The following CNOT7 variants were observed in gnomAD, a reference collection of about 807,000 sequenced individuals.
CNOT7 encodes CCR4-NOT transcription complex subunit 7.
Under a neutral mutation model 37.1 loss-of-function variants are expected in CNOT7, and 4 were observed. The ratio of observed to expected loss-of-function variants is 0.11; its 90% confidence interval spans 0.05 to 0.25. CNOT7 has a LOEUF of 0.25. CNOT7 is among the 10% of genes least tolerant of loss of function. The pLI, the probability that CNOT7 is intolerant of heterozygous loss-of-function variation, is 1.00. For missense variants in CNOT7, 170 were observed against 336.2 expected (o/e 0.51, Z 3.87); for synonymous variants, 128 against 115.6 (o/e 1.11, Z -0.69).
At chr8:17,234,961 G>T in intron 4 of CNOT7, 101 bp from the exon 5 acceptor site, 1 of 964,770 alleles carries the variant, frequency 1.0e-6, no homozygotes, top group Non-Finnish European at 1.5e-6. Context: ...TCACACTAGA[G>T]CCCTCCCAAA....
chr8:17,241,743 C>T (rs896594386), intron 3 of CNOT7: 2 of 152,006 alleles, frequency 1.3e-5, no homozygotes, highest in Non-Finnish European at 2.9e-5. Context: ...AGATGGATAA[C>T]GAAACCAATT....
In CNOT7 at chr8:17,229,766, A is replaced by C. The variant is rs1585767936; in HGVS notation, c.*954T>G. 1 of 151,936 alleles carries C rather than the reference A, an allele frequency of 6.6e-6. No homozygotes were observed. The highest frequency in any genetic ancestry group is 1.9e-4 in the East Asian group (1 of 5,182). The allele number at this position is 151,936 out of a possible 1,614,324, so 9.4% of individuals were successfully genotyped here. ...TGGTACAAAATATACCTAAAGACTT[A>C]TCTTTGGATTTTTAATAAAATTGAT... On this transcript the variant is annotated 3_prime_UTR_variant, in exon 7 of 7. Coordinates refer to ENST00000361272, the MANE Select transcript of CNOT7 (RefSeq NM_013354.7).
At chr8:17,234,428 TTG>T (rs930277269) in intron 5 of CNOT7, among the ~76,000 whole-genome samples, 8 of 152,250 alleles carry the variant, frequency 5.3e-5, no homozygotes, top group African/African-American at 1.7e-4. Context: ...GTCCTCAGAT[TTG>T]TGTTTTGGTT....
chr8:17,231,975 A>G, intron 6 of CNOT7: 1 of 990,584 alleles, frequency 1.0e-6, no homozygotes, highest in South Asian at 4.6e-5. Context: ...GAATGACATG[A>G]GCAAATAATA....
At chr8:17,230,947 CAAT>C (rs917914359) in intron 6 of CNOT7, 99 bp from the exon 7 acceptor site, 27 of 804,282 alleles carry the variant, frequency 3.4e-5, no homozygotes, top group South Asian at 1.6e-4. Flanking sequence ...TGTTCACTGA[CAAT>C]AATGATGGCT....
At position 17,228,365 on chromosome 8, in the gene CNOT7, A is replaced by G. The variant is rs1391827233; in HGVS notation, c.*2355T>C. ...GAGACTGTCTGGAACAAAATAAAAA[A>G]GTAAAACTTAGACCCAGTAAAAGTC... On this transcript the variant is annotated 3_prime_UTR_variant, in exon 7 of 7. Coordinates refer to ENST00000361272, the MANE Select transcript of CNOT7 (RefSeq NM_013354.7). The G allele has an allele frequency of 6.6e-6, 1 of 151,960 alleles. No homozygotes were observed. The highest frequency in any genetic ancestry group is 1.5e-5 in the Non-Finnish European group (1 of 67,850). 9.4% of individuals were successfully genotyped at this position (151,960 alleles called of 1,614,324 possible). A position where few individuals can be genotyped will look rare whatever the true frequency, so the allele number is the denominator to read the frequency against.
intron 6 of CNOT7, chr8:17,232,047 C>T: frequency 3.8e-6 from 4 of 1,041,294 alleles, no homozygotes; most frequent in Non-Finnish European, 4.6e-6. Context: ...TATAAAGATT[C>T]CTTGCCTTGT....
rs1284844296 is a variant in CNOT7, at chr8:17,234,815, G to C, written c.519C>G (p.Asn173Lys). 2 of 1,613,940 alleles carry C rather than the reference G, an allele frequency of 1.2e-6. No homozygotes were observed. The highest frequency in any genetic ancestry group is 1.3e-5 in the African/African-American group (1 of 75,016). Residue 173 changes from asparagine (N) to lysine (K), a missense_variant, in exon 5 of 7, where the codon AAC (asparagine) becomes AAG (lysine). By Grantham distance (94) the Asn-to-Lys change is moderately conservative (BLOSUM62 0). Transcript: ENST00000361272. ...GYLIKILTNS[N>K]LPEEELDFFE... ...AGAAGTCAAGTTCTTCTTCAGGCAA[G>C]TTAGAGTTGGTTAGGATTTTGATTA...
In CNOT7 at chr8:17,229,820, T is replaced by C. The variant is rs1292993981; in HGVS notation, c.*900A>G. 1.4e-5 allele frequency: 2 copies of C among 140,228 alleles called. No homozygotes were observed. The highest frequency in any genetic ancestry group is 2.5e-5 in the African/African-American group (1 of 39,296). The allele number at this position is 140,228 out of a possible 1,614,324, so 8.7% of individuals were successfully genotyped here. On this transcript the variant is annotated 3_prime_UTR_variant, in exon 7 of 7. Coordinates refer to ENST00000361272, the MANE Select transcript of CNOT7 (RefSeq NM_013354.7). ...TGTAACCAACAAATCAAGAGCATCA[T>C]AAGAATGGCTACAAAATTTAAAAAA... is the stretch of plus-strand genomic sequence containing the variant.
At chr8:17,235,000 A>T in intron 4 of CNOT7, 140 bp from the exon 5 acceptor site, 1 of 654,674 alleles carries the variant, frequency 1.5e-6, no homozygotes, top group South Asian at 2.1e-5. Flanking sequence ...ACACAAGAAC[A>T]GAGAAAACAA....
chr8:17,234,929 TTC>T (rs1809141590), intron 4 of CNOT7, 69 bp from the exon 5 acceptor site: 11 of 1,422,472 alleles, frequency 7.7e-6, no homozygotes, highest in Non-Finnish European at 1.0e-5. Context: ...AAAAAAGTTT[TTC>T]TGATTCAAAT....
At chr8:17,240,414 G>A (rs1012835020) in intron 3 of CNOT7, among the ~76,000 whole-genome samples, 1 of 151,674 alleles carries the variant, frequency 6.6e-6, no homozygotes, top group Non-Finnish European at 1.5e-5. Context: ...TGTGGCCCAA[G>A]ACAATTCTTC....
chr8:17,235,881 G>A (rs1414494400), intron 4 of CNOT7, among the ~76,000 whole-genome samples: 1 of 152,124 alleles, frequency 6.6e-6, no homozygotes, highest in African/African-American at 2.4e-5. Context: ...AGACATGAAT[G>A]AACCCTGTTT....
chr8:17,246,045 G>C (rs1398639101), intron 1 of CNOT7: 1 of 151,744 alleles, frequency 6.6e-6, no homozygotes, highest in African/African-American at 2.4e-5. Flanking sequence ...TCCAAGTAGA[G>C]AAACTAAAGG....
chr8:17,239,284 C>CA (rs1306158611), intron 3 of CNOT7, among the ~76,000 whole-genome samples: 9 of 152,144 alleles, frequency 5.9e-5, no homozygotes, highest in African/African-American at 2.2e-4. Context: ...TGAGCTCAAA[C>CA]AATCTGCCCA....
chr8:17,237,674 T>A (rs757559880), intron 3 of CNOT7: 1 of 236,862 alleles, frequency 4.2e-6, no homozygotes, highest in South Asian at 8.0e-5. Context: ...TGGAAAAGGG[T>A]CTCCTATTCA....
chr8:17,226,925 A>C lies in CNOT7; in HGVS notation c.*3795T>G, dbSNP rs1808195325. On this transcript the variant is annotated 3_prime_UTR_variant, in exon 7 of 7. Coordinates refer to ENST00000361272, the MANE Select transcript of CNOT7 (RefSeq NM_013354.7). ...AAATTTCAATGTCAGCCCAGAGCCC[A>C]AAAAAATAAAAATAAATCTTTAGCA... 1 of 151,722 alleles carries C rather than the reference A, an allele frequency of 6.6e-6. No individual in the cohort carries two copies. Among genetic ancestry groups the C allele is most frequent in the African/African-American group, 2.4e-5 (1 of 41,392 alleles). 9.4% of individuals were successfully genotyped at this position (151,722 alleles called of 1,614,324 possible). A position where few individuals can be genotyped will look rare whatever the true frequency, so the allele number is the denominator to read the frequency against.
intron 3 of CNOT7, among the ~76,000 whole-genome samples, chr8:17,238,057 C>T (rs1249739770): frequency 6.6e-6 from 1 of 152,198 alleles, no homozygotes; most frequent in Non-Finnish European, 1.5e-5. Context: ...TTCAAGATTT[C>T]ACTTAAGCCA....
At chr8:17,243,598 C>G in intron 2 of CNOT7, 1 of 458,226 alleles carries the variant, frequency 2.2e-6, no homozygotes, top group South Asian at 1.5e-5. Context: ...TTCTCTGACA[C>G]AAGGTTTTTC....
Sources: allele counts gnomAD v4.1 joint callset (sites outside exome capture counted in the v4.1 genomes callset), GRCh38; gene constraint gnomAD v4.1.1; transcripts MANE v1.5; gene names NCBI Gene and HGNC (gene_info 2026-07-23, HGNC 2026-07-21).